ABCC12: variants seen among roughly 807,000 people sequenced by gnomAD.
The protein encoded by ABCC12 is ATP binding cassette subfamily C member 12.
ABCC12 carries 142 observed loss-of-function variants against 151.1 expected under a neutral mutation model. That is an observed-to-expected ratio of 0.94 (90% confidence interval 0.82 to 1.08). The LOEUF (loss-of-function observed/expected upper bound fraction) is 1.08. ABCC12 is among the 50% of genes least tolerant of loss of function. ABCC12 has a pLI of 0.00. For missense variants in ABCC12, 1,638 were observed against 1,691.1 expected (o/e 0.97, Z 0.55); for synonymous variants, 645 against 646.4 (o/e 1.00, Z 0.03).
At position 48,088,588 on chromosome 16, in the gene ABCC12, T is replaced by C. The variant is rs537427717; in HGVS notation, c.3432A>G (p.Ile1144Met). The change falls in exon 26 of 31, where the codon ATA (isoleucine) becomes ATG (methionine). Residue 1144 changes from isoleucine to methionine, a missense_variant. Transcript: ENST00000311303. ...PLVLDSLNLN[I>M]QSGQTVGIVG... ...CAATCCCGACTGTCTGCCCACTTTGTATGTTCAAGTTCAGGCTGTCGAGAA... is the reference window on the plus strand; with the variant it reads ...CAATCCCGACTGTCTGCCCACTTTGCATGTTCAAGTTCAGGCTGTCGAGAA... 1.2e-6 allele frequency: 2 copies of C among 1,614,230 alleles called. No homozygotes were observed. Among genetic ancestry groups the C allele is most frequent in the Non-Finnish European group, 1.7e-6 (2 of 1,180,042 alleles).
chr16:48,155,145 G>A (rs1332273438), intron 1 of ABCC12, among the ~76,000 whole-genome samples: 3 of 152,206 alleles, frequency 2.0e-5, no homozygotes, highest in Non-Finnish European at 1.5e-5. Flanking sequence ...GCAGAGGGAA[G>A]TGCATGCAGG....
chr16:48,125,413 G>C (rs1395109876), intron 11 of ABCC12, among the ~76,000 whole-genome samples: 1 of 152,130 alleles, frequency 6.6e-6, no homozygotes, highest in Non-Finnish European at 1.5e-5. Flanking sequence ...AGAGCCCTTG[G>C]GCACGGATGC....
At chr16:48,099,632 A>T (rs1963232159) in intron 23 of ABCC12, among the ~76,000 whole-genome samples, 1 of 152,180 alleles carries the variant, frequency 6.6e-6, no homozygotes, top group Non-Finnish European at 1.5e-5. Flanking sequence ...AGGTGAGCCC[A>T]TGTGACTCCA....
rs372109104 is a variant in ABCC12, at chr16:48,084,071, G to A, written c.3831C>T (p.Ile1277=). ...VARALLRNSK[I]ILLDEATASM... is the part of the protein sequence containing the mutation. ...AGGCGGTGGCTTCATCAAGGAGAAT[G>A]ATCTGTGGAGGAGGAAACATTATAA... is the stretch of plus-strand genomic sequence containing the variant. Residue 1277 remains isoleucine, a splice_region_variant and synonymous_variant, in exon 30 of 31, where the codon ATC becomes ATT. Transcript: ENST00000311303. 2.7e-5 allele frequency: 43 copies of A among 1,608,532 alleles called. No individual in the cohort carries two copies. The African/African-American group carries it at 3.5e-4, about 13-fold the overall frequency.
At chr16:48,099,311 C>T (rs1265265768) in intron 23 of ABCC12, among the ~76,000 whole-genome samples, 4 of 152,066 alleles carry the variant, frequency 2.6e-5, no homozygotes, top group Non-Finnish European at 5.9e-5. Flanking sequence ...GCAAGAGAAT[C>T]GCTTGAACCC....
rs1964508780 is a variant in ABCC12, at chr16:48,133,678, AG to A, written c.1128+8del. 4.3e-6 allele frequency: 7 copies of A among 1,613,534 alleles called. No homozygotes were observed. The East Asian group carries it at 1.6e-4, about 36-fold the overall frequency. On this transcript the variant is annotated splice_region_variant and intron_variant, in intron 9 of 30. Transcript: ENST00000311303. Reference sequence around the variant, plus strand: ...TGTGAAAGAGCCTCGATCTGGAGCCAGCTCTTACCACGGGTGCGGTGAGTTT... The same window carrying A: ...TGTGAAAGAGCCTCGATCTGGAGCCACTCTTACCACGGGTGCGGTGAGTTT...
intron 6 of ABCC12, among the ~76,000 whole-genome samples, chr16:48,140,202 G>A (rs1964757416): frequency 6.6e-6 from 1 of 152,104 alleles, no homozygotes; most frequent in Admixed American, 6.5e-5. Flanking sequence ...GTTGTTGTGT[G>A]TGTGTGTTTT....
intron 3 of ABCC12, among the ~76,000 whole-genome samples, chr16:48,145,266 G>A (rs74018275): frequency 0.032 from 4,898 of 152,188 alleles, 251 homozygotes; most frequent in African/African-American, 0.11. Context: ...TTGCCACTTG[G>A]CCTTCTGCTG....
At chr16:48,086,947 A>T in intron 27 of ABCC12, 128 bp from the exon 28 acceptor site, 1 of 788,312 alleles carries the variant, frequency 1.3e-6, no homozygotes, top group South Asian at 1.5e-5. Flanking sequence ...TGCTCCAAGA[A>T]TAGTGCTCAG....
rs920347413 is a variant in ABCC12, at chr16:48,083,631, G to A, written c.*84C>T. On this transcript the variant is annotated 3_prime_UTR_variant, in exon 31 of 31. Transcript: ENST00000311303. Reference sequence around the variant, plus strand: ...GGGGCTGAAGACCAGGGCTGCCTGCGGAGAGGACAGCCCCTCCTCCTGAAG... The same window carrying A: ...GGGGCTGAAGACCAGGGCTGCCTGCAGAGAGGACAGCCCCTCCTCCTGAAG... The A allele has an allele frequency of 2.8e-5, 38 of 1,380,692 alleles. No homozygotes were observed. The highest frequency in any genetic ancestry group is 2.7e-4 in the South Asian group (22 of 81,788). The allele number at this position is 1,380,692 out of a possible 1,614,324, so 85.5% of individuals were successfully genotyped here. A position where few individuals can be genotyped will look rare whatever the true frequency, so the allele number is the denominator to read the frequency against.
At chr16:48,089,484 G>C (rs1321565078) in intron 25 of ABCC12, among the ~76,000 whole-genome samples, 1 of 152,144 alleles carries the variant, frequency 6.6e-6, no homozygotes, top group Non-Finnish European at 1.5e-5. Context: ...GAAATGCAAG[G>C]TCTAATTAAG....
chr16:48,110,213 C>T (rs1202762273), intron 18 of ABCC12, among the ~76,000 whole-genome samples: 1 of 152,146 alleles, frequency 6.6e-6, no homozygotes, highest in East Asian at 1.9e-4. Context: ...TGCCAGATCT[C>T]ATCGATTCGA....
intron 4 of ABCC12, among the ~76,000 whole-genome samples, chr16:48,143,613 G>T (rs1964895524): frequency 6.6e-6 from 1 of 152,150 alleles, no homozygotes; most frequent in Non-Finnish European, 1.5e-5. Flanking sequence ...GGGACCTGGT[G>T]GGAGGTAACT....
Position 48,115,442 on chromosome 16 carries a change from TGTCTTTCCCCTGAGC to T in ABCC12, c.1947_1961del (p.Leu650_Thr654del). On this transcript the variant is annotated inframe_deletion, in exon 15 of 31. Coordinates refer to ENST00000311303, the MANE Select transcript of ABCC12 (RefSeq NM_001393797.1). ...GTAGCTGGTGGGTCACCAGGACGAC[TGTCTTTCCCCTGAGC>T]GTCTTCTTAATGCACTCCTCAAAGA... 6.2e-7 allele frequency: 1 copy of T among 1,614,048 alleles called. No homozygotes were observed. The highest frequency in any genetic ancestry group is 8.5e-7 in the Non-Finnish European group (1 of 1,179,916).
Position 48,115,430 on chromosome 16 carries a change from C to A in ABCC12, c.1974G>T (p.Val658=), listed in dbSNP as rs767292962. 6.2e-7 allele frequency: 1 copy of A among 1,613,998 alleles called. No homozygotes were observed. Among genetic ancestry groups the A allele is most frequent in the South Asian group, 1.1e-5 (1 of 91,074 alleles). ...KTLRGKTVVL[V]THQLQFLESC... ...GTCCCATCACCTGTAGCTGGTGGGTCACCAGGACGACTGTCTTTCCCCTGA... is the reference window on the plus strand; with the variant it reads ...GTCCCATCACCTGTAGCTGGTGGGTAACCAGGACGACTGTCTTTCCCCTGA... The change falls in exon 15 of 31, where the codon GTG becomes GTT. Residue 658 remains valine (V), a synonymous_variant. Transcript: ENST00000311303.
In ABCC12 at chr16:48,096,759, G is replaced by A; in HGVS notation, c.3182C>T (p.Ser1061Leu). The A allele has an allele frequency of 6.2e-7, 1 of 1,613,964 alleles. No individual in the cohort carries two copies. The highest frequency in any genetic ancestry group is 1.3e-5 in the African/African-American group (1 of 75,032). ...ISTSSKGLSLSYIIQLSGLLQ... is the reference protein window; with the variant it reads ...ISTSSKGLSLLYIIQLSGLLQ... Reference sequence around the variant, plus strand: ...ACCAGGCATTACCTGGATGATGTATGACAATGACAGGCCTTTGGATGAAGT... The same window carrying A: ...ACCAGGCATTACCTGGATGATGTATAACAATGACAGGCCTTTGGATGAAGT... Residue 1061 changes from serine to leucine, a missense_variant, in exon 24 of 31, where the codon TCA becomes TTA. Transcript: ENST00000311303.
At chr16:48,115,322 CAGGCAGATAT>C in intron 15 of ABCC12, 83 bp downstream of exon 15, 2 of 1,376,246 alleles carry the variant, frequency 1.5e-6, no homozygotes, top group Non-Finnish European at 2.0e-6. Context: ...CAGCTGAAGA[CAGGCAGATAT>C]AGGCAGAAGA....
intron 13 of ABCC12, among the ~76,000 whole-genome samples, 183 bp from the exon 14 acceptor site, chr16:48,117,516 C>T (rs2079092195): frequency 6.6e-6 from 1 of 152,250 alleles, no homozygotes; most frequent in African/African-American, 2.4e-5. Context: ...CCAGTGACCA[C>T]TGGCCCCTCC....
chr16:48,106,778 A>G (rs61507438), intron 20 of ABCC12, among the ~76,000 whole-genome samples: 3,862 of 152,272 alleles, frequency 0.025, 166 homozygotes, highest in African/African-American at 0.089. Flanking sequence ...CAGCAAGCTC[A>G]AGAGAGAGTC....
Sources: allele counts gnomAD v4.1 joint callset (sites outside exome capture counted in the v4.1 genomes callset), GRCh38; gene constraint gnomAD v4.1.1; transcripts MANE v1.5; gene names NCBI Gene and HGNC (gene_info 2026-07-23, HGNC 2026-07-21).